ANKRD13A: variants seen among roughly 807,000 people sequenced by gnomAD.
ANKRD13A encodes the protein ankyrin repeat domain 13A.
A neutral mutation model predicts 81.3 loss-of-function variants in ANKRD13A; 48 were observed. That is an observed-to-expected ratio of 0.59 (90% CI 0.47 to 0.75). The LOEUF is 0.75. Ranked by LOEUF, ANKRD13A falls within the 30% of genes least tolerant of loss-of-function variation. The pLI is 0.00. For synonymous variants in ANKRD13A, 230 were observed against 270.1 expected (o/e 0.85, Z 1.45); for missense variants, 612 against 734.0 (o/e 0.83, Z 1.92).
chr12:110,018,253 C>T lies in ANKRD13A; in HGVS notation c.401-92C>T. On this transcript the variant is annotated intron_variant, in intron 4 of 14. Coordinates refer to ENST00000261739, the MANE Select transcript of ANKRD13A (RefSeq NM_033121.2). The surrounding 1 kb of genome is among the most constrained non-coding windows in gnomAD (Gnocchi z 4.4). The stretch of plus-strand genomic sequence containing the variant: ...TTGATGGTCACCATCTTGCCACTCC[C>T]CTCCTTTTATTAAATCAGAATCCTG... The T allele has an allele frequency of 2.2e-6, 3 of 1,381,204 alleles. No homozygotes were observed. Among genetic ancestry groups the T allele is most frequent in the Non-Finnish European group, 3.0e-6 (3 of 1,010,086 alleles). 85.6% of individuals were successfully genotyped at this position (1,381,204 alleles called of 1,614,324 possible).
chr12:110,008,864 G>A (rs933734250), intron 1 of ANKRD13A, among the ~76,000 whole-genome samples: 1 of 152,078 alleles, frequency 6.6e-6, no homozygotes, highest in African/African-American at 2.4e-5. Context: ...CAGCCTGGGC[G>A]ACAGAGCGAG....
intron 1 of ANKRD13A, among the ~76,000 whole-genome samples, chr12:110,006,173 G>T (rs1247277388): frequency 1.3e-5 from 2 of 152,156 alleles, no homozygotes; most frequent in African/African-American, 4.8e-5. Context: ...TATATACCTT[G>T]GAGAGGAATT....
At chr12:110,024,587 C>A (rs1422101940) in intron 7 of ANKRD13A, among the ~76,000 whole-genome samples, 1 of 152,178 alleles carries the variant, frequency 6.6e-6, no homozygotes, top group Non-Finnish European at 1.5e-5. Context: ...ATTGTTGATC[C>A]AGTCATCTGG....
chr12:110,033,991 TGGGA>T (rs1356194025), intron 13 of ANKRD13A, 34 bp downstream of exon 13: 1 of 1,573,476 alleles, frequency 6.4e-7, no homozygotes, highest in Non-Finnish European at 8.6e-7. Context: ...TGGCAGGGCG[TGGGA>T]GGTCTTACCC....
intron 3 of ANKRD13A, among the ~76,000 whole-genome samples, chr12:110,013,952 T>G (rs956700506): frequency 1.3e-5 from 2 of 152,200 alleles, no homozygotes; most frequent in African/African-American, 4.8e-5. Flanking sequence ...TCACTTACTA[T>G]GCAGGGATTT....
chr12:110,016,493 G>C, intron 4 of ANKRD13A, 60 bp downstream of exon 4: 1 of 1,451,180 alleles, frequency 6.9e-7, no homozygotes, highest in Non-Finnish European at 9.3e-7. Context: ...CCCGCATGTA[G>C]GTTTATTTTT....
chr12:110,016,728 A>G (rs2137119263), intron 4 of ANKRD13A, among the ~76,000 whole-genome samples: 1 of 152,056 alleles, frequency 6.6e-6, no homozygotes, highest in South Asian at 2.1e-4. Context: ...CGACATCTAT[A>G]TTATTAGTTT....
Position 110,038,631 on chromosome 12 carries a change from T to G in ANKRD13A, c.*1077T>G, listed in dbSNP as rs893956246. Reference sequence around the variant, plus strand: ...TTTAGAGTTCAAATCAACATCTTTCTGGATAAATCTATTTTTTAACAATCT... The same window carrying G: ...TTTAGAGTTCAAATCAACATCTTTCGGGATAAATCTATTTTTTAACAATCT... On this transcript the variant is annotated 3_prime_UTR_variant, in exon 15 of 15. Coordinates refer to ENST00000261739, the MANE Select transcript of ANKRD13A (RefSeq NM_033121.2). 2.6e-5 allele frequency: 4 copies of G among 152,680 alleles called. No individual in the cohort carries two copies. Among genetic ancestry groups the G allele is most frequent in the Non-Finnish European group, 4.4e-5 (3 of 68,048 alleles). The allele number at this position is 152,680 out of a possible 1,614,324, so 9.5% of individuals were successfully genotyped here.
At chr12:110,028,740 A>T in intron 10 of ANKRD13A, 98 bp downstream of exon 10, 24 of 1,492,190 alleles carry the variant, frequency 1.6e-5, no homozygotes, top group South Asian at 1.1e-4. Flanking sequence ...CCTCCCCACC[A>T]CCCTTATTTT....
Position 110,039,691 on chromosome 12 carries a change from T to G in ANKRD13A, c.*2137T>G, listed in dbSNP as rs1471456410. 2.6e-5 allele frequency: 4 copies of G among 152,224 alleles called. No individual in the cohort carries two copies. Among genetic ancestry groups the G allele is most frequent in the Non-Finnish European group, 5.9e-5 (4 of 68,088 alleles). 9.4% of individuals were successfully genotyped at this position (152,224 alleles called of 1,614,324 possible). A position where few individuals can be genotyped will look rare whatever the true frequency, so the allele number is the denominator to read the frequency against. On this transcript the variant is annotated 3_prime_UTR_variant, in exon 15 of 15. Transcript: ENST00000261739. ...CCTCCTGGAGGGGAACTGGCTCTTG[T>G]GGGGTAAGGGAAGCCCAGCCAACAT...
At chr12:110,034,479 G>A (rs924835254) in intron 13 of ANKRD13A, among the ~76,000 whole-genome samples, 19 of 152,118 alleles carry the variant, frequency 1.2e-4, no homozygotes, top group African/African-American at 2.7e-4. Context: ...TGCCCAAGTC[G>A]GAGTGCAGTG....
At position 110,018,280 on chromosome 12, in the gene ANKRD13A, T is replaced by A; in HGVS notation, c.401-65T>A. 1 of 1,520,346 alleles carries A rather than the reference T, an allele frequency of 6.6e-7. No individual in the cohort carries two copies. Among genetic ancestry groups the A allele is most frequent in the South Asian group, 1.2e-5 (1 of 81,190 alleles). The allele number at this position is 1,520,346 out of a possible 1,614,324, so 94.2% of individuals were successfully genotyped here. A position where few individuals can be genotyped will look rare whatever the true frequency, so the allele number is the denominator to read the frequency against. On this transcript the variant is annotated intron_variant, in intron 4 of 14. Coordinates refer to ENST00000261739, the MANE Select transcript of ANKRD13A (RefSeq NM_033121.2). This position sits in a 1 kb window ranked among gnomAD's most constrained non-coding sequence, Gnocchi z 4.4. ...TCCTTTTATTAAATCAGAATCCTGA[T>A]TTCCTGGCCTAGGTATTCTTCTTGG...
At position 110,016,423 on chromosome 12, in the gene ANKRD13A, C is replaced by G; in HGVS notation, c.390C>G (p.Phe130Leu). The G allele has an allele frequency of 1.3e-6, 2 of 1,594,540 alleles. No individual in the cohort carries two copies. Among genetic ancestry groups the G allele is most frequent in the Non-Finnish European group, 1.7e-6 (2 of 1,166,528 alleles). Residue 130 changes from phenylalanine to leucine, a missense_variant, in exon 4 of 15, where the codon TTC becomes TTG. Transcript: ENST00000261739. ...PDFYVQMKWE[F>L]TSWVPLVSRI... ...TCTATGTGCAGATGAAATGGGAATT[C>G]ACCAGCTGGGGTGAGTGGCTGTGGG...
chr12:110,019,093 A>G lies in ANKRD13A; in HGVS notation c.545-46A>G, dbSNP rs368273015. On this transcript the variant is annotated intron_variant, in intron 5 of 14. Transcript: ENST00000261739. The stretch of plus-strand genomic sequence containing the variant: ...ACATACGAAGCTTCCTTGTTTTTGC[A>G]TCTTCCCTACTTTGCACTTAGTTAT... The G allele has an allele frequency of 2.6e-6, 4 of 1,517,588 alleles. No individual in the cohort carries two copies. The African/African-American group carries it at 4.2e-5, about 16-fold the overall frequency. 94.0% of individuals were successfully genotyped at this position (1,517,588 alleles called of 1,614,324 possible). A position where few individuals can be genotyped will look rare whatever the true frequency, so the allele number is the denominator to read the frequency against.
chr12:110,010,271 C>T (rs1381318931), intron 1 of ANKRD13A, among the ~76,000 whole-genome samples: 3 of 152,144 alleles, frequency 2.0e-5, no homozygotes, highest in Non-Finnish European at 4.4e-5. Flanking sequence ...TACACACCTC[C>T]CCTGTGGCAG....
intron 12 of ANKRD13A, among the ~76,000 whole-genome samples, chr12:110,033,393 G>A (rs1279698301): frequency 6.6e-6 from 1 of 151,994 alleles, no homozygotes; most frequent in Non-Finnish European, 1.5e-5. Context: ...CTTAGGCTAG[G>A]TGAAGGGCAC....
At chr12:110,031,588 T>TG (rs1891696086) in intron 12 of ANKRD13A, among the ~76,000 whole-genome samples, 1 of 152,152 alleles carries the variant, frequency 6.6e-6, no homozygotes, top group African/African-American at 2.4e-5. Context: ...TGACCTCAAG[T>TG]GATCCACCCA....
chr12:110,014,399 G>A (rs1450126683), intron 3 of ANKRD13A, among the ~76,000 whole-genome samples: 1 of 152,150 alleles, frequency 6.6e-6, no homozygotes, highest in East Asian at 1.9e-4. Flanking sequence ...GTGACAGAGC[G>A]AGACTCCATC....
chr12:110,015,847 G>A (rs1566052188), intron 3 of ANKRD13A, among the ~76,000 whole-genome samples: 1 of 151,578 alleles, frequency 6.6e-6, no homozygotes, highest in Non-Finnish European at 1.5e-5. Context: ...CACTGTGCCC[G>A]GCCATCTGTT....
Sources: allele counts gnomAD v4.1 joint callset (sites outside exome capture counted in the v4.1 genomes callset), GRCh38; gene constraint gnomAD v4.1.1; non-coding constraint Gnocchi (gnomAD v3.1); transcripts MANE v1.5; gene names NCBI Gene and HGNC (gene_info 2026-07-23, HGNC 2026-07-21).